LY86: variants seen among roughly 807,000 people sequenced by gnomAD.
The protein encoded by LY86 is MD-1, RP105-associated.
In LY86, 20 loss-of-function variants were observed where a neutral mutation model predicts 17.3. The ratio of observed to expected loss-of-function variants is 1.15; its 90% CI spans 0.81 to 1.68. LY86 has a LOEUF of 1.68. LY86 is among the 40% of genes most tolerant of loss of function. LY86 has a pLI of 0.00. For missense variants in LY86, 200 were observed against 191.9 expected, an observed-to-expected ratio of 1.04 and a Z score of -0.25; for synonymous variants, 74 against 70.6, an observed-to-expected ratio of 1.05 and a Z score of -0.24.
chr6:6,589,090 G>A (rs1385418976), intron 1 of LY86, among the ~76,000 whole-genome samples: 1 of 152,182 alleles, frequency 6.6e-6, no homozygotes, highest in African/African-American at 2.4e-5. Context: ...GAACAACAAA[G>A]AGTACAAGAA....
At chr6:6,642,861 C>T (rs1251844830) in intron 3 of LY86, among the ~76,000 whole-genome samples, 3 of 152,240 alleles carry the variant, frequency 2.0e-5, no homozygotes, top group Non-Finnish European at 4.4e-5. Flanking sequence ...CATGCACTCC[C>T]TCCCTCCTCC....
At chr6:6,605,336 A>G (rs544687519) in intron 1 of LY86, among the ~76,000 whole-genome samples, 7 of 152,212 alleles carry the variant, frequency 4.6e-5, no homozygotes, top group Non-Finnish European at 8.8e-5. Context: ...GTCTCTGGGA[A>G]AAGGTGATGA....
intron 1 of LY86, among the ~76,000 whole-genome samples, chr6:6,611,684 C>T (rs1238220163): frequency 1.3e-5 from 2 of 152,208 alleles, no homozygotes; most frequent in African/African-American, 4.8e-5. Flanking sequence ...CTACGCTGCG[C>T]GCCGGTCGTG....
chr6:6,611,499 T>G (rs765171343), intron 1 of LY86, among the ~76,000 whole-genome samples: 1 of 152,186 alleles, frequency 6.6e-6, no homozygotes, highest in African/African-American at 2.4e-5. Flanking sequence ...ATCACTGTTA[T>G]TACACTCATC....
chr6:6,605,350 A>C (rs1468358689), intron 1 of LY86, among the ~76,000 whole-genome samples: 1 of 152,246 alleles, frequency 6.6e-6, no homozygotes, highest in African/African-American at 2.4e-5. Context: ...GTGATGAAGT[A>C]GTCAATTCTA....
chr6:6,608,640 A>G (rs899956778), intron 1 of LY86, among the ~76,000 whole-genome samples: 2 of 152,242 alleles, frequency 1.3e-5, no homozygotes, highest in African/African-American at 4.8e-5. Context: ...GTTTCCATGC[A>G]CACTAACAGT....
intron 3 of LY86, among the ~76,000 whole-genome samples, chr6:6,645,154 C>T (rs998517582): frequency 2.0e-5 from 3 of 151,884 alleles, no homozygotes; most frequent in Non-Finnish European, 2.9e-5. Context: ...TTTTTTAAAA[C>T]GAAAGTTTAA....
At chr6:6,605,182 T>C (rs1036320595) in intron 1 of LY86, among the ~76,000 whole-genome samples, 1 of 152,192 alleles carries the variant, frequency 6.6e-6, no homozygotes, top group Non-Finnish European at 1.5e-5. Context: ...ATGATAATGA[T>C]GAATTTGGAA....
chr6:6,610,271 A>G (rs1344700714), intron 1 of LY86, among the ~76,000 whole-genome samples: 6 of 152,246 alleles, frequency 3.9e-5, no homozygotes, highest in African/African-American at 1.4e-4. Context: ...GAAAGTACAC[A>G]GGGCACCTCT....
chr6:6,619,437 G>A (rs73367104), intron 1 of LY86, among the ~76,000 whole-genome samples: 2,079 of 152,274 alleles, frequency 0.014, 45 homozygotes, highest in African/African-American at 0.047. Context: ...CAACCATCCA[G>A]TACTGTTTTA....
intron 1 of LY86, among the ~76,000 whole-genome samples, chr6:6,592,521 G>A (rs1042744266): frequency 1.3e-5 from 2 of 152,200 alleles, no homozygotes; most frequent in African/African-American, 4.8e-5. Flanking sequence ...GGAAGAAGCA[G>A]GGTGAGGGGA....
intron 1 of LY86, among the ~76,000 whole-genome samples, chr6:6,600,515 G>A (rs980406652): frequency 2.0e-5 from 3 of 146,730 alleles, no homozygotes; most frequent in East Asian, 2.0e-4. Flanking sequence ...GCTTGAACCC[G>A]GGAGGCAGAG....
At chr6:6,643,331 A>C (rs542116940) in intron 3 of LY86, among the ~76,000 whole-genome samples, 1 of 152,368 alleles carries the variant, frequency 6.6e-6, no homozygotes, top group East Asian at 1.9e-4. Flanking sequence ...AATATGATTC[A>C]GCCTTAAAAA....
At chr6:6,613,703 G>T (rs1343243517) in intron 1 of LY86, among the ~76,000 whole-genome samples, 1 of 152,264 alleles carries the variant, frequency 6.6e-6, no homozygotes, top group Non-Finnish European at 1.5e-5. Context: ...CCACAGTGCA[G>T]CGGCGGGCTG....
At chr6:6,620,214 A>G (rs1363796006) in intron 1 of LY86, among the ~76,000 whole-genome samples, 1 of 152,350 alleles carries the variant, frequency 6.6e-6, no homozygotes, top group Admixed American at 6.5e-5. Flanking sequence ...ATCAGTGTCA[A>G]TGTCCCAGTT....
intron 3 of LY86, among the ~76,000 whole-genome samples, chr6:6,642,063 C>T (rs1052717480): frequency 2.6e-5 from 4 of 152,214 alleles, no homozygotes; most frequent in Non-Finnish European, 4.4e-5. Context: ...AGGGGCAGCC[C>T]CTTGACATGG....
chr6:6,647,704 CCTT>C (rs1762125021), intron 3 of LY86, among the ~76,000 whole-genome samples: 1 of 152,168 alleles, frequency 6.6e-6, no homozygotes, highest in African/African-American at 2.4e-5. Context: ...TTCTTAGTCT[CCTT>C]GGTTGGCTTC....
At chr6:6,636,904 AAAC>A (rs1207409454) in intron 3 of LY86, among the ~76,000 whole-genome samples, 1 of 146,258 alleles carries the variant, frequency 6.8e-6, no homozygotes, top group African/African-American at 2.5e-5. Flanking sequence ...AAAAAAAAAA[AAAC>A]AGAACTAAAA....
chr6:6,602,086 T>C (rs1438970586), intron 1 of LY86, among the ~76,000 whole-genome samples: 3 of 152,216 alleles, frequency 2.0e-5, no homozygotes, highest in African/African-American at 7.2e-5. Flanking sequence ...TTCCCCTTCT[T>C]GACTCAAAGC....
Sources: gnomAD v4.1 joint callset for allele counts (sites outside exome capture counted in the v4.1 genomes callset) on GRCh38, gnomAD v4.1.1 for gene constraint, MANE v1.5 for transcripts, NCBI Gene and HGNC (gene_info 2026-07-23, HGNC 2026-07-21) for gene names.